The following CUX2 variants were observed in gnomAD, a reference collection of about 807,000 sequenced individuals.
The protein encoded by CUX2 is cut like homeobox 2, also known as homeobox protein cut-like 2.
In CUX2, 40 loss-of-function variants were observed where a neutral mutation model predicts 144.8. The observed-to-expected ratio is 0.28, with a 90% CI of 0.21 to 0.36. The LOEUF (loss-of-function observed/expected upper bound fraction) is 0.36. Among genes scored for constraint, CUX2 ranks in the 10% least tolerant of loss-of-function variants. The pLI is 1.00. For synonymous variants in CUX2, 827 were observed against 875.6 expected, an observed-to-expected ratio of 0.94 and a Z score of 0.98; for missense variants, 1,615 against 1,994.0, an observed-to-expected ratio of 0.81 and a Z score of 3.62.
intron 16 of CUX2, among the ~76,000 whole-genome samples, chr12:111,318,875 G>A (rs958016710): frequency 3.3e-5 from 5 of 151,954 alleles, no homozygotes; most frequent in Non-Finnish European, 7.4e-5. Context: ...ATGTTGCCCA[G>A]GCTGGTCTCG....
chr12:111,317,021 A>G (rs1050565232), intron 16 of CUX2, among the ~76,000 whole-genome samples: 2 of 152,120 alleles, frequency 1.3e-5, no homozygotes, highest in African/African-American at 4.8e-5. Context: ...ACTCAGCCCC[A>G]TGTTTGTAAG....
rs868649480 is a variant in CUX2 at position 111,322,389 on chromosome 12, G to C, written c.2767-32G>C. 2 of 1,528,438 alleles carry C rather than the reference G, an allele frequency of 1.3e-6. No individual in the cohort carries two copies. Among genetic ancestry groups the C allele is most frequent in the Middle Eastern group, 4.4e-4 (2 of 4,518 alleles). 94.7% of individuals were successfully genotyped at this position (1,528,438 alleles called of 1,614,324 possible). ...GGCCAGGCCCATGTCCCAGGGGCCTGCTGACCTACCCCCCTGGCCCGCCCC... is the reference window on the plus strand; with the variant it reads ...GGCCAGGCCCATGTCCCAGGGGCCTCCTGACCTACCCCCCTGGCCCGCCCC... On this transcript the variant is annotated intron_variant, in intron 17 of 21. Coordinates refer to ENST00000261726, the MANE Select transcript of CUX2 (RefSeq NM_015267.4). The surrounding 1 kb of genome is among the most constrained non-coding windows in gnomAD (Gnocchi z 4.2).
rs1884224118 is a variant in CUX2 at position 111,263,355 on chromosome 12, CAGAACTT to C, written c.223-405_223-399del. ...CCATGGTGGCTCATGCCTGTAATCCCAGAACTTTGGGAGGCCAAGGTGGGCAGATAAC... is the reference window on the plus strand; with the variant it reads ...CCATGGTGGCTCATGCCTGTAATCCCTGGGAGGCCAAGGTGGGCAGATAAC... On this transcript the variant is annotated intron_variant, in intron 3 of 21. Coordinates refer to ENST00000261726, the MANE Select transcript of CUX2 (RefSeq NM_015267.4). This position sits in a 1 kb window ranked among gnomAD's most constrained non-coding sequence, Gnocchi z 4.0. Among the ~76,000 whole-genome samples the C allele has an allele frequency of 6.6e-6, 1 of 152,176 alleles. No homozygotes were observed. The highest frequency in any genetic ancestry group is 2.1e-4 in the South Asian group (1 of 4,836).
rs182578444 is a variant in CUX2 at position 111,212,692 on chromosome 12, T to C, written c.64-1508T>C. ...TTTGGTGCCTCTACCTTCTCCCTTCTAGTCTCATAATTTTCTAAAGAAGTT... is the reference window on the plus strand; with the variant it reads ...TTTGGTGCCTCTACCTTCTCCCTTCCAGTCTCATAATTTTCTAAAGAAGTT... On this transcript the variant is annotated intron_variant, in intron 1 of 21. Coordinates refer to ENST00000261726, the MANE Select transcript of CUX2 (RefSeq NM_015267.4). 1.1e-3 allele frequency among the ~76,000 whole-genome samples: 162 copies of C among 152,356 alleles called. 1 individual carries two copies. The highest frequency in any genetic ancestry group is 3.8e-3 in the African/African-American group (159 of 41,586).
intron 3 of CUX2, among the ~76,000 whole-genome samples, chr12:111,260,280 C>T (rs979866705): frequency 2.7e-5 from 4 of 150,476 alleles, no homozygotes; most frequent in Admixed American, 6.6e-5. Flanking sequence ...CTGGCTAACA[C>T]GGTGAAACCC....
intron 3 of CUX2, among the ~76,000 whole-genome samples, chr12:111,260,380 C>CCCAGGAGGATGGT (rs1884053294): frequency 6.6e-6 from 1 of 151,712 alleles, no homozygotes; most frequent in African/African-American, 2.4e-5. Context: ...AGGAGGATGG[C>CCCAGGAGGATGGT]GTGAACCCAG....
At chr12:111,082,610 C>T (rs1347579944) in intron 1 of CUX2, among the ~76,000 whole-genome samples, 3 of 152,164 alleles carry the variant, frequency 2.0e-5, no homozygotes, top group Non-Finnish European at 4.4e-5. Context: ...TTAGACCAGC[C>T]AGGGAGCTGG....
chr12:111,176,938 T>G (rs1878891328), intron 1 of CUX2, among the ~76,000 whole-genome samples: 1 of 152,236 alleles, frequency 6.6e-6, no homozygotes, highest in South Asian at 2.1e-4. Flanking sequence ...AGGGTCGTCC[T>G]GTGCCTTGTA....
chr12:111,208,501 A>T (rs1052754067), intron 1 of CUX2, among the ~76,000 whole-genome samples: 1 of 152,192 alleles, frequency 6.6e-6, no homozygotes, highest in African/African-American at 2.4e-5. Flanking sequence ...CCCCATAGAT[A>T]ACCAACCATA....
chr12:111,129,827 T>C (rs1041905884), intron 1 of CUX2, among the ~76,000 whole-genome samples: 1 of 152,220 alleles, frequency 6.6e-6, no homozygotes, highest in Admixed American at 6.5e-5. Context: ...GTGGGGACTG[T>C]GTCTGCTGGG....
In CUX2 at chr12:111,307,517, C is replaced by T. The variant is rs1886647949; in HGVS notation, c.1109+260C>T. Among the ~76,000 whole-genome samples, 1 of 152,024 alleles carries T rather than the reference C, an allele frequency of 6.6e-6. No individual in the cohort carries two copies. Among genetic ancestry groups the T allele is most frequent in the South Asian group, 2.1e-4 (1 of 4,816 alleles). ...CAGCCTGGGCAACAATGGGGAGACC[C>T]CATCTCTGTGAGAAAAAAACAATTT... On this transcript the variant is annotated intron_variant, in intron 12 of 21. Transcript: ENST00000261726. This position sits in a 1 kb window ranked among gnomAD's most constrained non-coding sequence, Gnocchi z 4.1.
At chr12:111,259,238 A>G (rs1883990776) in intron 3 of CUX2, among the ~76,000 whole-genome samples, 1 of 152,092 alleles carries the variant, frequency 6.6e-6, no homozygotes, top group Non-Finnish European at 1.5e-5. Context: ...TAAAAATATT[A>G]TCCAGCTGTT....
intron 21 of CUX2, among the ~76,000 whole-genome samples, chr12:111,342,849 C>T (rs1275601428): frequency 6.7e-6 from 1 of 149,338 alleles, no homozygotes; most frequent in Non-Finnish European, 1.5e-5. Flanking sequence ...GTGTCAACTA[C>T]TTGGGAGGCT....
chr12:111,287,756 C>T lies in CUX2; in HGVS notation c.302-3662C>T. Among the ~76,000 whole-genome samples the T allele has an allele frequency of 6.6e-6, 1 of 152,240 alleles. No individual in the cohort carries two copies. Among genetic ancestry groups the T allele is most frequent in the Non-Finnish European group, 1.5e-5 (1 of 68,034 alleles). On this transcript the variant is annotated intron_variant, in intron 4 of 21. Transcript: ENST00000261726. The surrounding 1 kb of genome is among the most constrained non-coding windows in gnomAD (Gnocchi z 4.2). ...TTACCTCGGCATGGACGCCCATTGTCCAAGCCCCTGCCACCTAAACAAACA... is the reference window on the plus strand; with the variant it reads ...TTACCTCGGCATGGACGCCCATTGTTCAAGCCCCTGCCACCTAAACAAACA...
chr12:111,207,497 G>C (rs772960618), intron 1 of CUX2, among the ~76,000 whole-genome samples: 1 of 152,092 alleles, frequency 6.6e-6, no homozygotes. Flanking sequence ...CAACATCTTC[G>C]GTTGCATCCC....
At chr12:111,175,862 C>G (rs1474159747) in intron 1 of CUX2, among the ~76,000 whole-genome samples, 1 of 151,228 alleles carries the variant, frequency 6.6e-6, no homozygotes, top group Non-Finnish European at 1.5e-5. Context: ...GTTTTTGTGT[C>G]TTTAACATGA....
chr12:111,086,505 A>G (rs1404045900), intron 1 of CUX2, among the ~76,000 whole-genome samples: 2 of 152,230 alleles, frequency 1.3e-5, no homozygotes. Context: ...ATTGCTATCC[A>G]GGGCCTTTAG....
At chr12:111,206,293 C>T (rs1157870753) in intron 1 of CUX2, among the ~76,000 whole-genome samples, 1 of 152,196 alleles carries the variant, frequency 6.6e-6, no homozygotes, top group African/African-American at 2.4e-5. Context: ...GATTGTGCCA[C>T]TGCACGCCAG....
intron 14 of CUX2, 107 bp downstream of exon 14, chr12:111,308,633 C>A: frequency 1.1e-6 from 1 of 928,038 alleles, no homozygotes. Flanking sequence ...GGCAGGAGAA[C>A]GACAGAACAA....
Sources: allele counts gnomAD v4.1 joint callset (sites outside exome capture counted in the v4.1 genomes callset), GRCh38; gene constraint gnomAD v4.1.1; non-coding constraint Gnocchi (gnomAD v3.1); transcripts MANE v1.5; gene names NCBI Gene and HGNC (gene_info 2026-07-23, HGNC 2026-07-21).